WLS: variants seen among roughly 807,000 people sequenced by gnomAD.
WLS encodes the protein Wnt ligand secretion mediator, also known as protein wntless homolog.
WLS carries 23 observed loss-of-function variants against 62.8 expected under a neutral mutation model. The observed-to-expected ratio is 0.37, with a 90% CI of 0.26 to 0.52. The LOEUF is 0.52. Ranked by LOEUF, WLS falls within the 20% of genes least tolerant of loss-of-function variation. The pLI is 0.92. For missense variants in WLS, 615 were observed against 697.3 expected (o/e 0.88, Z 1.33); for synonymous variants, 246 against 244.1 (o/e 1.01, Z -0.07).
chr1:68,121,925 C>T (rs1646368358), downstream of WLS, among the ~76,000 whole-genome samples: 2 of 152,198 alleles, frequency 1.3e-5, no homozygotes, highest in South Asian at 4.1e-4. Context: ...CTTCCAAGGA[C>T]AGCAGTTTCT....
At chr1:68,117,054 A>C (rs137855759) in intron 11 of WLS, among the ~76,000 whole-genome samples, 29 of 152,038 alleles carry the variant, frequency 1.9e-4, no homozygotes, top group African/African-American at 7.0e-4. Context: ...ATTTCTTCTC[A>C]ACTTACTTTC....
intron 10 of WLS, among the ~76,000 whole-genome samples, chr1:68,144,261 A>G (rs1212855542): frequency 6.6e-6 from 1 of 152,234 alleles, no homozygotes; most frequent in East Asian, 1.9e-4. Context: ...AATCAAATTT[A>G]TGCTTGTTAG....
intron 2 of WLS, chr1:68,183,638 T>C (rs1310634875): frequency 2.3e-6 from 1 of 435,076 alleles, no homozygotes; most frequent in Non-Finnish European, 4.6e-6. Context: ...TGTAGAAGGA[T>C]GAAATTCAGA....
At chr1:68,145,827 A>G in intron 9 of WLS, 42 bp downstream of exon 9, 1 of 1,611,172 alleles carries the variant, frequency 6.2e-7, no homozygotes. Flanking sequence ...TGGAAAGATC[A>G]AGCAAGCACC....
intron 1 of WLS, among the ~76,000 whole-genome samples, chr1:68,222,671 G>C (rs1215488818): frequency 1.3e-5 from 2 of 152,080 alleles, no homozygotes; most frequent in Non-Finnish European, 2.9e-5. Flanking sequence ...CCTTTCCTGG[G>C]ACTCGAATTC....
At chr1:68,217,456 G>A (rs1649774901) in intron 1 of WLS, among the ~76,000 whole-genome samples, 1 of 152,150 alleles carries the variant, frequency 6.6e-6, no homozygotes, top group Non-Finnish European at 1.5e-5. Flanking sequence ...TTTATCATGA[G>A]GACAGAGCAA....
At chr1:68,214,614 G>T (rs1649657525) in intron 1 of WLS, among the ~76,000 whole-genome samples, 1 of 152,110 alleles carries the variant, frequency 6.6e-6, no homozygotes, top group African/African-American at 2.4e-5. Context: ...CTCCCAAAGT[G>T]CTGGGACCAC....
chr1:68,182,367 A>G (rs1360538905), intron 2 of WLS, among the ~76,000 whole-genome samples: 3 of 152,222 alleles, frequency 2.0e-5, no homozygotes, highest in Non-Finnish European at 4.4e-5. Flanking sequence ...TGCCAATATA[A>G]CATGCTCACA....
intron 11 of WLS, chr1:68,127,154 C>T (rs1316971838): frequency 2.8e-6 from 1 of 356,496 alleles, no homozygotes; most frequent in Admixed American, 3.4e-5. Flanking sequence ...ATGATTGCAC[C>T]ACTCACTCCA....
At chr1:68,129,781 T>C (rs1037582083) in intron 11 of WLS, among the ~76,000 whole-genome samples, 4 of 152,182 alleles carry the variant, frequency 2.6e-5, no homozygotes, top group Admixed American at 2.6e-4. Flanking sequence ...TGCTGTTCAG[T>C]GCACAAACAT....
At chr1:68,153,050 G>A (rs1344823205) in intron 5 of WLS, among the ~76,000 whole-genome samples, 1 of 152,116 alleles carries the variant, frequency 6.6e-6, no homozygotes, top group African/African-American at 2.4e-5. Context: ...AAGCTGAAGC[G>A]GGCAAATCAC....
intron 1 of WLS, among the ~76,000 whole-genome samples, chr1:68,206,763 G>C (rs1276787896): frequency 6.6e-6 from 1 of 152,082 alleles, no homozygotes; most frequent in Non-Finnish European, 1.5e-5. Flanking sequence ...AACTGTAAAA[G>C]GCAGTATTTA....
chr1:68,187,189 C>CCAAAAAAAAAAAAAAAAAAAAAAAAA, intron 2 of WLS, among the ~76,000 whole-genome samples: 1 of 57,176 alleles, frequency 1.7e-5, no homozygotes, highest in East Asian at 5.2e-4. Context: ...ACTCCATCTC[C>CCAAAAAAAAAAAAAAAAAAAAAAAAA]AAAAAAAAAA....
At chr1:68,139,292 G>A (rs1646654977) in intron 10 of WLS, among the ~76,000 whole-genome samples, 1 of 151,850 alleles carries the variant, frequency 6.6e-6, no homozygotes, top group African/African-American at 2.4e-5. Context: ...CAGCATTCAA[G>A]CTACTTAGGA....
intron 7 of WLS, 71 bp downstream of exon 7, chr1:68,148,492 T>C (rs936075665): frequency 2.7e-6 from 4 of 1,493,750 alleles, no homozygotes; most frequent in Non-Finnish European, 3.7e-6. Flanking sequence ...TTTCAAACAC[T>C]CCTCCTAAAA....
At chr1:68,189,907 G>T (rs1408329198) in intron 2 of WLS, among the ~76,000 whole-genome samples, 2 of 152,166 alleles carry the variant, frequency 1.3e-5, no homozygotes, top group South Asian at 2.1e-4. Context: ...TACTCAGGAG[G>T]CTGAGGCAGG....
chr1:68,098,705 G>A (rs370144214), exon 12 of WLS: 61 of 1,613,728 alleles, frequency 3.8e-5, no homozygotes, highest in Non-Finnish European at 4.8e-5. Context: ...ATAAAGTTCC[G>A]AAACAAACAA....
At chr1:68,206,994 T>TA (rs1185766361) in intron 1 of WLS, among the ~76,000 whole-genome samples, 1 of 152,238 alleles carries the variant, frequency 6.6e-6, no homozygotes, top group Non-Finnish European at 1.5e-5. Context: ...TTAATGGTCC[T>TA]ATTCTCGTTC....
At chr1:68,174,085 T>G (rs950550309) in intron 2 of WLS, among the ~76,000 whole-genome samples, 31 of 152,182 alleles carry the variant, frequency 2.0e-4, no homozygotes, top group African/African-American at 7.2e-4. Context: ...AGGGAAGGGA[T>G]TACGGTTGGG....
Sources: gnomAD v4.1 joint callset for allele counts (sites outside exome capture counted in the v4.1 genomes callset) on GRCh38, gnomAD v4.1.1 for gene constraint, MANE v1.5 for transcripts, NCBI Gene and HGNC (gene_info 2026-07-23, HGNC 2026-07-21) for gene names.